Variants in STRN3 observed in about 807,000 individuals in gnomAD.
The protein encoded by STRN3 is striatin-3.
A neutral mutation model predicts 95.6 loss-of-function variants in STRN3; 29 were observed. The observed-to-expected ratio is 0.30, with a 90% confidence interval of 0.23 to 0.41. The LOEUF is 0.41. Ranked by LOEUF, STRN3 falls within the 10% of genes least tolerant of loss-of-function variation. The pLI is 1.00. For missense variants in STRN3, 890 were observed against 972.1 expected (o/e 0.92, Z 1.12); for synonymous variants, 331 against 357.6 (o/e 0.93, Z 0.84).
intron 1 of STRN3, among the ~76,000 whole-genome samples, chr14:31,018,283 C>T (rs1305864726): frequency 6.6e-6 from 1 of 152,158 alleles, no homozygotes; most frequent in Non-Finnish European, 1.5e-5. Flanking sequence ...CCATAGTAAG[C>T]TGCTGCCACG....
At chr14:30,956,049 CA>C (rs1489194320) in intron 2 of STRN3, 89 bp downstream of exon 2, 2 of 1,118,386 alleles carry the variant, frequency 1.8e-6, no homozygotes, top group Non-Finnish European at 2.6e-6. Flanking sequence ...TTGTACCTTT[CA>C]AAAAAAGCTG....
At chr14:30,989,791 T>TTCC (rs1161287230) in intron 1 of STRN3, among the ~76,000 whole-genome samples, 1 of 151,600 alleles carries the variant, frequency 6.6e-6, no homozygotes, top group Non-Finnish European at 1.5e-5. Context: ...CGGTAGGAGA[T>TTCC]TCCAATGCAT....
At chr14:30,945,122 T>C (rs1879295847) in intron 5 of STRN3, among the ~76,000 whole-genome samples, 1 of 152,180 alleles carries the variant, frequency 6.6e-6, no homozygotes, top group Admixed American at 6.5e-5. Flanking sequence ...CTTGTATTTA[T>C]CAATTCCGTA....
In STRN3 at chr14:30,916,431, C is replaced by G. The variant is rs182646997; in HGVS notation, c.1240+2535G>C. On this transcript the variant is annotated intron_variant, in intron 9 of 17. Transcript: ENST00000357479. ...CTGGGACTACAGGCGCCCGCCACCA[C>G]GCCCAGCTAATTTTTTTGTATTTTT... Among the ~76,000 whole-genome samples, 57 of 151,948 alleles carry G rather than the reference C, an allele frequency of 3.8e-4. No homozygotes were observed. The East Asian group carries it at 0.011, about 28-fold the overall frequency.
intron 9 of STRN3, among the ~76,000 whole-genome samples, chr14:30,918,168 G>T (rs1304709294): frequency 6.6e-6 from 1 of 152,100 alleles, no homozygotes; most frequent in African/African-American, 2.4e-5. Flanking sequence ...ATTCTCAAAT[G>T]ATTAATTTAG....
chr14:30,956,343 T>C (rs1879903085), intron 1 of STRN3, 101 bp from the exon 2 acceptor site: 10 of 1,085,182 alleles, frequency 9.2e-6, no homozygotes, highest in Middle Eastern at 2.2e-4. Flanking sequence ...ACTTGACTCA[T>C]GATATCAAGA....
In STRN3 at chr14:30,980,245, G is replaced by C. The variant is rs76903160; in HGVS notation, c.283-24003C>G. ...GGATGACAGAGCAAGACTCTGTATGGGGGCGGGGAGAATTATTTGATATTT... is the reference window on the plus strand; with the variant it reads ...GGATGACAGAGCAAGACTCTGTATGCGGGCGGGGAGAATTATTTGATATTT... On this transcript the variant is annotated intron_variant, in intron 1 of 17. Coordinates refer to ENST00000357479, the MANE Select transcript of STRN3 (RefSeq NM_001083893.2). 8.5e-3 allele frequency among the ~76,000 whole-genome samples: 1,294 copies of C among 151,992 alleles called. 23 individuals are homozygous for C. Among genetic ancestry groups the C allele is most frequent in the African/African-American group, 0.029 (1,217 of 41,490 alleles).
At chr14:30,981,574 A>G (rs979730620) in intron 1 of STRN3, among the ~76,000 whole-genome samples, 1 of 131,302 alleles carries the variant, frequency 7.6e-6, no homozygotes, top group African/African-American at 2.9e-5. Context: ...GTAGCTTAGA[A>G]TTCACACACA....
intron 1 of STRN3, among the ~76,000 whole-genome samples, chr14:30,984,136 A>AG (rs1566474720): frequency 3.9e-4 from 10 of 25,774 alleles, no homozygotes; most frequent in Non-Finnish European, 6.4e-4. Flanking sequence ...CGCCCCCCCC[A>AG]ACCCCCCCCC....
At chr14:30,965,810 G>A (rs938729211) in intron 1 of STRN3, among the ~76,000 whole-genome samples, 5 of 151,306 alleles carry the variant, frequency 3.3e-5, no homozygotes, top group African/African-American at 1.2e-4. Context: ...AAGTGCATGG[G>A]GCCAGACATC....
intron 14 of STRN3, among the ~76,000 whole-genome samples, chr14:30,905,974 G>C (rs1464961551): frequency 6.6e-6 from 1 of 152,144 alleles, no homozygotes; most frequent in Non-Finnish European, 1.5e-5. Flanking sequence ...AGATCTGTAG[G>C]CCTTATCAAG....
At chr14:30,926,380 A>T (rs1020758585) in intron 8 of STRN3, among the ~76,000 whole-genome samples, 12 of 152,066 alleles carry the variant, frequency 7.9e-5, no homozygotes, top group Non-Finnish European at 1.5e-4. Context: ...AATGAGTTAA[A>T]TTACAACAAT....
chr14:30,955,730 T>A (rs758458359), intron 2 of STRN3, 37 bp from the exon 3 acceptor site: 28 of 1,514,198 alleles, frequency 1.8e-5, no homozygotes, highest in Non-Finnish European at 2.4e-5. Flanking sequence ...AATCACAACT[T>A]CTTCTTTTTG....
At position 30,906,836 on chromosome 14, in the gene STRN3, T is replaced by C. The variant is rs749901212; in HGVS notation, c.1888+41A>G. The C allele has an allele frequency of 1.9e-6, 3 of 1,581,928 alleles. No homozygotes were observed. The African/African-American group carries it at 4.1e-5, about 22-fold the overall frequency. On this transcript the variant is annotated intron_variant, in intron 14 of 17. Transcript: ENST00000357479. ...TTGTCCTTTATATATTCCAATTTTT[T>C]AAAAAAACTAACTTTTCTCACAGAT...
chr14:30,923,333 T>C (rs975416660), intron 8 of STRN3, among the ~76,000 whole-genome samples: 22 of 152,148 alleles, frequency 1.4e-4, no homozygotes, highest in African/African-American at 5.3e-4. Flanking sequence ...AAATAAAAAT[T>C]AGAAAATGAC....
At chr14:30,924,939 T>C (rs1320530094) in intron 8 of STRN3, among the ~76,000 whole-genome samples, 1 of 152,148 alleles carries the variant, frequency 6.6e-6, no homozygotes, top group Admixed American at 6.5e-5. Context: ...GTGAAAAGTA[T>C]ATGGAATTCT....
intron 8 of STRN3, among the ~76,000 whole-genome samples, chr14:30,921,362 G>A (rs1055744129): frequency 1.3e-5 from 2 of 152,288 alleles, no homozygotes; most frequent in Non-Finnish European, 2.9e-5. Context: ...TGAACTGGGA[G>A]ATATAGAAGG....
chr14:30,940,246 C>A (rs1425491573), intron 5 of STRN3, among the ~76,000 whole-genome samples: 2 of 152,104 alleles, frequency 1.3e-5, no homozygotes, highest in Non-Finnish European at 2.9e-5. Flanking sequence ...CCTGAAATTT[C>A]CTTTGCCTCT....
At chr14:30,924,725 T>G (rs1006640349) in intron 8 of STRN3, among the ~76,000 whole-genome samples, 8 of 152,136 alleles carry the variant, frequency 5.3e-5, no homozygotes, top group African/African-American at 1.9e-4. Flanking sequence ...GGCATAGTGG[T>G]GCACACCTGT....
Sources: gnomAD v4.1 joint callset for allele counts (sites outside exome capture counted in the v4.1 genomes callset) on GRCh38, gnomAD v4.1.1 for gene constraint, MANE v1.5 for transcripts, NCBI Gene and HGNC (gene_info 2026-07-23, HGNC 2026-07-21) for gene names.